Variants in TMOD3 observed in about 807,000 individuals in gnomAD.
TMOD3 encodes the protein tropomodulin 3.
TMOD3 carries 20 observed loss-of-function variants against 39.2 expected under a neutral mutation model. The observed-to-expected ratio is 0.51, with a 90% CI of 0.36 to 0.74. TMOD3 has a LOEUF of 0.74. Among genes scored for constraint, TMOD3 ranks in the 30% least tolerant of loss-of-function variants. The pLI is 0.00. For missense variants in TMOD3, 381 were observed against 412.8 expected, an observed-to-expected ratio of 0.92 and a Z score of 0.67; for synonymous variants, 143 against 145.8, an observed-to-expected ratio of 0.98 and a Z score of 0.14.
intron 1 of TMOD3, among the ~76,000 whole-genome samples, chr15:51,832,556 A>C (rs2056261859): frequency 6.6e-6 from 1 of 151,926 alleles, no homozygotes; most frequent in Admixed American, 6.6e-5. Context: ...TTAGAACCGG[A>C]TGTGGTGGCA....
At chr15:51,852,079 G>C (rs893724018) in intron 1 of TMOD3, among the ~76,000 whole-genome samples, 2 of 152,098 alleles carry the variant, frequency 1.3e-5, no homozygotes, top group African/African-American at 2.4e-5. Context: ...GTTTTTGTCT[G>C]TATGCCACTT....
intron 1 of TMOD3, among the ~76,000 whole-genome samples, chr15:51,853,728 G>A (rs1469862907): frequency 6.7e-6 from 1 of 150,006 alleles, no homozygotes; most frequent in East Asian, 2.0e-4. Flanking sequence ...GGGATCACTT[G>A]AACCTAAGAG....
chr15:51,903,072 C>T (rs2056661132), intron 9 of TMOD3, among the ~76,000 whole-genome samples: 1 of 152,222 alleles, frequency 6.6e-6, no homozygotes, highest in Non-Finnish European at 1.5e-5. Flanking sequence ...GCGTGAGCCA[C>T]CGCACCTGGG....
chr15:51,832,203 T>TATATATATATATATATA (rs1555464768), intron 1 of TMOD3, among the ~76,000 whole-genome samples: 1 of 79,348 alleles, frequency 1.3e-5, no homozygotes, highest in African/African-American at 4.1e-5. Flanking sequence ...AGAAAAAAAA[T>TATATATATATATATATA]TATATATATA....
chr15:51,856,434 C>T (rs1314125270), intron 1 of TMOD3, among the ~76,000 whole-genome samples: 1 of 152,072 alleles, frequency 6.6e-6, no homozygotes, highest in African/African-American at 2.4e-5. Flanking sequence ...GAAGGAAATT[C>T]ATTTTTCATT....
intron 2 of TMOD3, 79 bp downstream of exon 2, chr15:51,863,089 A>G (rs771762728): frequency 3.4e-6 from 5 of 1,464,662 alleles, no homozygotes; most frequent in East Asian, 4.7e-5. Flanking sequence ...GAGCTTTTCC[A>G]TGACTTTTCT....
chr15:51,844,781 T>G (rs1383694331), intron 1 of TMOD3, among the ~76,000 whole-genome samples: 1 of 152,224 alleles, frequency 6.6e-6, no homozygotes, highest in African/African-American at 2.4e-5. Flanking sequence ...ATTATGGAAA[T>G]CAATGTGAAA....
At chr15:51,872,792 T>C (rs771712922) in intron 3 of TMOD3, among the ~76,000 whole-genome samples, 96 of 152,262 alleles carry the variant, frequency 6.3e-4, no homozygotes, top group Middle Eastern at 3.4e-3. Flanking sequence ...ATGGGTACAC[T>C]GAAATCACTG....
In TMOD3 at chr15:51,833,538, A is replaced by G. The variant is rs547770144; in HGVS notation, c.-75+3702A>G. On this transcript the variant is annotated intron_variant, in intron 1 of 9. Transcript: ENST00000308580. ...CCTCACCCACCTTCCTCCAAAGGCA[A>G]TCACTTCCTGACTCCATAGATTTCT... 5 of 152,356 alleles carry G rather than the reference A, an allele frequency of 3.3e-5. No homozygotes were observed. In the East Asian group the frequency reaches 7.7e-4, roughly 23 times the overall value. 9.4% of individuals were successfully genotyped at this position (152,356 alleles called of 1,614,324 possible).
chr15:51,866,974 A>G (rs2056450120), intron 2 of TMOD3, among the ~76,000 whole-genome samples: 1 of 152,220 alleles, frequency 6.6e-6, no homozygotes, highest in African/African-American at 2.4e-5. Flanking sequence ...GAATGGAGCT[A>G]CAATCTGAAA....
At chr15:51,851,918 C>G (rs1427268493) in intron 1 of TMOD3, among the ~76,000 whole-genome samples, 6 of 152,152 alleles carry the variant, frequency 3.9e-5, no homozygotes. Context: ...TGCTTGGAGA[C>G]CTCAGGTCCT....
At chr15:51,902,094 A>G (rs374118432) in intron 9 of TMOD3, 58 bp downstream of exon 9, 3 of 1,578,794 alleles carry the variant, frequency 1.9e-6, no homozygotes, top group East Asian at 2.2e-5. Context: ...GTATTGGGGG[A>G]ACTTCTTTCC....
intron 1 of TMOD3, among the ~76,000 whole-genome samples, chr15:51,849,664 C>T (rs2141674777): frequency 6.6e-6 from 1 of 152,244 alleles, no homozygotes; most frequent in Admixed American, 6.5e-5. Context: ...ACTAAGGTGG[C>T]TCCTGCCTGT....
intron 1 of TMOD3, among the ~76,000 whole-genome samples, chr15:51,851,168 G>A (rs1030108622): frequency 2.0e-5 from 3 of 152,166 alleles, no homozygotes; most frequent in African/African-American, 7.2e-5. Context: ...GGGATGTGGA[G>A]CTGAGGTAAG....
chr15:51,901,932 A>G lies in TMOD3; in HGVS notation c.920A>G (p.Lys307Arg). 1 of 1,614,178 alleles carries G rather than the reference A, an allele frequency of 6.2e-7. No individual in the cohort carries two copies. ...LGTAVELEMA[K>R]MLEENTNILK... ...ACAGCTGTAGAATTGGAAATGGCCA[A>G]GATGCTTGAGGAAAATACAAATATC... Residue 307 changes from lysine (K) to arginine (R), a missense_variant, in exon 9 of 10, where the codon AAG becomes AGG. Transcript: ENST00000308580.
intron 3 of TMOD3, among the ~76,000 whole-genome samples, chr15:51,874,790 C>T (rs1595901099): frequency 6.6e-6 from 1 of 152,096 alleles, no homozygotes; most frequent in Non-Finnish European, 1.5e-5. Context: ...CACGGATGGA[C>T]CAGAGCCATG....
At chr15:51,854,597 A>G (rs1030749935) in intron 1 of TMOD3, among the ~76,000 whole-genome samples, 3 of 152,232 alleles carry the variant, frequency 2.0e-5, no homozygotes, top group East Asian at 1.9e-4. Context: ...TAAAGCTTGA[A>G]GAAAATAAGT....
rs545778348 is a variant in TMOD3, at chr15:51,886,620, A to G, written c.284-969A>G. ...CAGTGAGCCGAGATGGCAGCAGTAC[A>G]GTCCAGCCTCGGCTGGGCATCAGAG... On this transcript the variant is annotated intron_variant, in intron 3 of 9. Transcript: ENST00000308580. Among the ~76,000 whole-genome samples, 472 of 152,294 alleles carry G rather than the reference A, an allele frequency of 3.1e-3. 2 individuals are homozygous for G. The highest frequency in any genetic ancestry group is 5.9e-3 in the Non-Finnish European group (403 of 68,018).
At chr15:51,841,362 G>A (rs10851504) in intron 1 of TMOD3, among the ~76,000 whole-genome samples, 56,587 of 152,000 alleles carry the variant, frequency 0.37, 10,866 homozygotes, top group Admixed American at 0.43. Flanking sequence ...TGTCATAAGT[G>A]TTAATTTCAG....
Sources: allele counts gnomAD v4.1 joint callset (sites outside exome capture counted in the v4.1 genomes callset), GRCh38; gene constraint gnomAD v4.1.1; transcripts MANE v1.5; gene names NCBI Gene and HGNC (gene_info 2026-07-23, HGNC 2026-07-21).